The following SIK3 variants were observed in gnomAD, a reference collection of about 807,000 sequenced individuals.
SIK3 encodes the protein serine/threonine-protein kinase SIK3.
Under a neutral mutation model 144.2 loss-of-function variants are expected in SIK3, and 28 were observed. That is an observed-to-expected ratio of 0.19 (90% CI 0.14 to 0.27). The LOEUF (loss-of-function observed/expected upper bound fraction) is 0.27. Ranked by LOEUF, SIK3 falls within the 10% of genes least tolerant of loss-of-function variation. SIK3 has a pLI of 1.00. For synonymous variants in SIK3, 686 were observed against 676.3 expected (o/e 1.01, Z -0.22); for missense variants, 1,319 against 1,776.0 (o/e 0.74, Z 4.62).
At chr11:116,889,713 T>C (rs1477974522) in intron 6 of SIK3, among the ~76,000 whole-genome samples, 1 of 152,048 alleles carries the variant, frequency 6.6e-6, no homozygotes, top group Non-Finnish European at 1.5e-5. Flanking sequence ...CTGGGCAACA[T>C]AATAAGATCC....
At chr11:117,007,721 T>C (rs906732058) in intron 1 of SIK3, among the ~76,000 whole-genome samples, 1 of 152,180 alleles carries the variant, frequency 6.6e-6, no homozygotes, top group Non-Finnish European at 1.5e-5. Flanking sequence ...AATTTGACAT[T>C]AGATGAACTG....
intron 3 of SIK3, among the ~76,000 whole-genome samples, chr11:116,946,486 T>G (rs539775763): frequency 2.6e-5 from 4 of 152,170 alleles, no homozygotes; most frequent in Non-Finnish European, 5.9e-5. Flanking sequence ...GGGTCCATTA[T>G]AGGAGAGGAA....
intron 4 of SIK3, among the ~76,000 whole-genome samples, chr11:116,922,270 A>AGGAG (rs1193944311): frequency 1.1e-4 from 17 of 152,300 alleles, no homozygotes; most frequent in Admixed American, 9.2e-4. Context: ...TGGGAGGTTA[A>AGGAG]GGAGGGAGGA....
chr11:117,092,155 C>T (rs1955278228), intron 1 of SIK3, among the ~76,000 whole-genome samples: 1 of 152,096 alleles, frequency 6.6e-6, no homozygotes, highest in Admixed American at 6.5e-5. Flanking sequence ...CCCCGTGTCA[C>T]ACCCAATTCC....
At chr11:116,947,531 A>ATGTATGTATG (rs1555107760) in intron 3 of SIK3, among the ~76,000 whole-genome samples, 5,165 of 124,252 alleles carry the variant, frequency 0.042, 325 homozygotes, top group African/African-American at 0.12. Context: ...ATATATATAT[A>ATGTATGTATG]TATGTATGTA....
chr11:116,954,533 T>A (rs1440638145), intron 2 of SIK3, among the ~76,000 whole-genome samples: 1 of 151,690 alleles, frequency 6.6e-6, no homozygotes, highest in Admixed American at 6.6e-5. Flanking sequence ...GGGAGTCACA[T>A]AAGAACGCCA....
At chr11:117,052,712 C>T (rs1953316587) in intron 1 of SIK3, among the ~76,000 whole-genome samples, 1 of 152,178 alleles carries the variant, frequency 6.6e-6, no homozygotes, top group Non-Finnish European at 1.5e-5. Flanking sequence ...TGGGATTAAC[C>T]TCCTTCCAAT....
chr11:116,986,234 G>T (rs1950322454), intron 1 of SIK3, among the ~76,000 whole-genome samples: 1 of 152,160 alleles, frequency 6.6e-6, no homozygotes. Context: ...GAACACCTGG[G>T]CTTGGGGCAG....
At chr11:117,088,780 G>A (rs1473668513) in intron 1 of SIK3, among the ~76,000 whole-genome samples, 2 of 152,058 alleles carry the variant, frequency 1.3e-5, no homozygotes, top group Non-Finnish European at 2.9e-5. Context: ...GGGCTCAAGC[G>A]ATCCTCCCAC....
intron 1 of SIK3, among the ~76,000 whole-genome samples, chr11:117,083,608 T>C (rs984744592): frequency 3.9e-5 from 6 of 152,140 alleles, no homozygotes; most frequent in Non-Finnish European, 5.9e-5. Context: ...AATTCAACTA[T>C]TGTCGGAATG....
chr11:116,942,217 A>G (rs1219010712), intron 3 of SIK3, among the ~76,000 whole-genome samples: 2 of 152,228 alleles, frequency 1.3e-5, no homozygotes, highest in African/African-American at 4.8e-5. Context: ...ACACAATGAA[A>G]TACATTTACT....
chr11:117,049,977 T>G (rs11826651), intron 1 of SIK3, among the ~76,000 whole-genome samples: 1 of 149,512 alleles, frequency 6.7e-6, no homozygotes. Flanking sequence ...AAAAATAGGA[T>G]CTTATATTAT....
intron 4 of SIK3, among the ~76,000 whole-genome samples, chr11:116,922,754 C>T (rs984942854): frequency 2.0e-5 from 3 of 151,734 alleles, no homozygotes; most frequent in African/African-American, 7.3e-5. Flanking sequence ...TGATTATTTT[C>T]ATTAAAATCA....
At chr11:117,002,814 T>C (rs768617537) in intron 1 of SIK3, among the ~76,000 whole-genome samples, 38 of 152,226 alleles carry the variant, frequency 2.5e-4, no homozygotes, top group Non-Finnish European at 4.6e-4. Context: ...ATTATGCAAG[T>C]ATCTGAATTA....
At chr11:117,081,362 A>G (rs1223001308) in intron 1 of SIK3, among the ~76,000 whole-genome samples, 1 of 152,190 alleles carries the variant, frequency 6.6e-6, no homozygotes, top group Non-Finnish European at 1.5e-5. Context: ...AGTGGCTCAC[A>G]CCTGTAATCA....
chr11:116,906,754 G>A (rs1392917210), intron 4 of SIK3, among the ~76,000 whole-genome samples: 1 of 152,070 alleles, frequency 6.6e-6, no homozygotes, highest in Non-Finnish European at 1.5e-5. Context: ...CAGAATTTTT[G>A]TTTATTTGTT....
chr11:117,092,466 C>G (rs576538200), intron 1 of SIK3, among the ~76,000 whole-genome samples: 8 of 152,124 alleles, frequency 5.3e-5, no homozygotes, highest in Admixed American at 1.3e-4. Flanking sequence ...AGCAGCCCCC[C>G]CCAGGGATTC....
chr11:116,981,317 T>C (rs746223554), intron 1 of SIK3, among the ~76,000 whole-genome samples: 8 of 152,226 alleles, frequency 5.3e-5, no homozygotes, highest in Non-Finnish European at 1.0e-4. Context: ...CTATAGCTGG[T>C]GCCACTGGCC....
At chr11:117,081,398 C>T (rs1216794981) in intron 1 of SIK3, among the ~76,000 whole-genome samples, 7 of 152,102 alleles carry the variant, frequency 4.6e-5, no homozygotes, top group African/African-American at 7.2e-5. Context: ...CCGAGGCAGG[C>T]GGATCACAAG....
Sources: gnomAD v4.1 joint callset for allele counts (sites outside exome capture counted in the v4.1 genomes callset) on GRCh38, gnomAD v4.1.1 for gene constraint, MANE v1.5 for transcripts, NCBI Gene and HGNC (gene_info 2026-07-23, HGNC 2026-07-21) for gene names.